AGAP4: variants seen among roughly 807,000 people sequenced by gnomAD.
The protein encoded by AGAP4 is arf-GAP with GTPase, ANK repeat and PH domain-containing protein 4.
A neutral mutation model predicts 60.7 loss-of-function variants in AGAP4; 13 were observed. That is an observed-to-expected ratio of 0.21 (90% confidence interval 0.14 to 0.34). The LOEUF (loss-of-function observed/expected upper bound fraction) is 0.34. Among genes scored for constraint, AGAP4 ranks in the 10% least tolerant of loss-of-function variants. The pLI is 1.00. For synonymous variants in AGAP4, 70 were observed against 339.0 expected (o/e 0.21, Z 8.72); for missense variants, 169 against 884.0 (o/e 0.19, Z 10.26).
At chr10:45,838,416 C>A (rs2058859593) in intron 4 of AGAP4, among the ~76,000 whole-genome samples, 1 of 151,662 alleles carries the variant, frequency 6.6e-6, no homozygotes, top group Admixed American at 6.6e-5. Context: ...TCACCAAATG[C>A]CACCTGTTCC....
At position 45,843,995 on chromosome 10, in the gene AGAP4, A is replaced by T. The variant is rs1236817187; in HGVS notation, c.361+331T>A. Among the ~76,000 whole-genome samples, 6 of 149,860 alleles carry T rather than the reference A, an allele frequency of 4.0e-5. 1 individual carries two copies. The highest frequency in any genetic ancestry group is 1.5e-4 in the African/African-American group (6 of 39,244). ...TCTTTAAAATGTACTTTTTGGAGCA[A>T]GGGAAAAGGGATTGTAAATAAAGAT... On this transcript the variant is annotated intron_variant, in intron 3 of 7. Coordinates refer to ENST00000616763, the MANE Select transcript of AGAP4 (RefSeq NM_001276343.3).
intron 1 of AGAP4, among the ~76,000 whole-genome samples, chr10:45,852,508 A>G (rs2059097689): frequency 2.6e-5 from 4 of 151,258 alleles, no homozygotes; most frequent in Non-Finnish European, 5.9e-5. Context: ...TAAGAAAATT[A>G]TATGCAGTTG....
At chr10:45,849,473 GATTATTATTATT>G (rs782154006), upstream of AGAP4, among the ~76,000 whole-genome samples, 2 of 145,106 alleles carry the variant, frequency 1.4e-5, no homozygotes. Context: ...TGATGATGAT[GATTATTATTATT>G]ATTATTATTA....
intron 6 of AGAP4, among the ~76,000 whole-genome samples, chr10:45,830,266 A>T (rs1343598677): frequency 2.8e-5 from 4 of 142,848 alleles, no homozygotes; most frequent in Non-Finnish European, 4.6e-5. Flanking sequence ...TCCACCTCCC[A>T]GGCTCAAGCG....
rs782233681 is a variant in AGAP4 at position 45,831,522 on chromosome 10, T to A, written c.498-93A>T. On this transcript the variant is annotated intron_variant, in intron 5 of 7. Transcript: ENST00000616763. ...AGGGGGGCAGAGGAAACTCTCCTAG[T>A]GGCCCTGAAATTCAAATCTTCTAGT... is the stretch of plus-strand genomic sequence containing the variant. 1.6e-4 allele frequency: 175 copies of A among 1,101,386 alleles called. 4 individuals are homozygous for A. Among genetic ancestry groups the A allele is most frequent in the South Asian group, 6.2e-4 (47 of 76,418 alleles). 68.2% of individuals were successfully genotyped at this position (1,101,386 alleles called of 1,614,324 possible). A position where few individuals can be genotyped will look rare whatever the true frequency, so the allele number is the denominator to read the frequency against.
At chr10:45,841,736 A>T (rs1190311740) in intron 3 of AGAP4, 49 bp from the exon 4 acceptor site, 12 of 573,508 alleles carry the variant, frequency 2.1e-5, no homozygotes, top group Non-Finnish European at 3.7e-5. Flanking sequence ...AAATACCATA[A>T]AATAAAAGTA....
At chr10:45,835,993 TTAG>T (rs1324355328) in intron 4 of AGAP4, among the ~76,000 whole-genome samples, 4 of 151,162 alleles carry the variant, frequency 2.6e-5, no homozygotes, top group African/African-American at 9.7e-5. Flanking sequence ...AAGGGGTTAC[TTAG>T]TAGTTTTAAG....
intron 4 of AGAP4, among the ~76,000 whole-genome samples, chr10:45,835,987 G>A (rs1246045595): frequency 1.3e-5 from 2 of 151,152 alleles, no homozygotes; most frequent in African/African-American, 4.9e-5. Flanking sequence ...AAATGGAAGG[G>A]GTTACTTAGT....
intron 1 of AGAP4, among the ~76,000 whole-genome samples, 160 bp from the exon 2 acceptor site, chr10:45,846,915 G>A (rs1167491149): frequency 1.1e-4 from 16 of 151,420 alleles, no homozygotes; most frequent in Non-Finnish European, 2.4e-4. Context: ...GCGATTGGGA[G>A]GGGAGGCGAA....
At chr10:45,843,815 A>G (rs1377020764) in intron 3 of AGAP4, among the ~76,000 whole-genome samples, 4 of 149,016 alleles carry the variant, frequency 2.7e-5, no homozygotes, top group Admixed American at 2.7e-4. Context: ...TTAATAACCT[A>G]AAACTTTTGA....
intron 6 of AGAP4, among the ~76,000 whole-genome samples, chr10:45,830,292 C>A (rs2058710638): frequency 1.4e-5 from 2 of 139,638 alleles, no homozygotes; most frequent in Admixed American, 1.4e-4. Flanking sequence ...CCTGCCTCAG[C>A]CTCCCAAGTA....
chr10:45,830,581 G>A (rs1265182513), intron 6 of AGAP4, among the ~76,000 whole-genome samples: 1 of 108,652 alleles, frequency 9.2e-6, no homozygotes, highest in Non-Finnish European at 2.0e-5. Flanking sequence ...CGCCTCCCAA[G>A]TTCAAGCGGT....
At chr10:45,828,613 C>T (rs2058682307) in intron 6 of AGAP4, among the ~76,000 whole-genome samples, 1 of 145,682 alleles carries the variant, frequency 6.9e-6, no homozygotes, top group Admixed American at 6.9e-5. Context: ...ACCAGTGGTT[C>T]TCCAAATGTG....
intron 3 of AGAP4, 90 bp downstream of exon 3, chr10:45,844,236 C>G (rs2058965290): frequency 1.4e-6 from 2 of 1,396,394 alleles, no homozygotes; most frequent in African/African-American, 3.2e-5. Context: ...AAATTTTAAA[C>G]CAATATGAGT....
At chr10:45,829,846 C>T (rs2058702649) in intron 6 of AGAP4, among the ~76,000 whole-genome samples, 1 of 150,494 alleles carries the variant, frequency 6.6e-6, no homozygotes, top group South Asian at 2.1e-4. Context: ...CTTTTCAATA[C>T]TTAAAGGCGT....
chr10:45,837,830 A>T (rs1234701464), intron 4 of AGAP4, among the ~76,000 whole-genome samples: 1 of 150,858 alleles, frequency 6.6e-6, no homozygotes, highest in Non-Finnish European at 1.5e-5. Flanking sequence ...ATGACCAAGA[A>T]CACAAAAGCA....
At chr10:45,831,783 A>G (rs1590018839) in intron 5 of AGAP4, among the ~76,000 whole-genome samples, 1 of 119,494 alleles carries the variant, frequency 8.4e-6, no homozygotes, top group African/African-American at 3.1e-5. Context: ...TCTCTTGCTC[A>G]GACTGGATTG....
At chr10:45,843,296 C>CAAAA (rs1159354399) in intron 3 of AGAP4, among the ~76,000 whole-genome samples, 6 of 1,900 alleles carry the variant, frequency 3.2e-3, no homozygotes, top group East Asian at 0.036. Flanking sequence ...GACTCCATTT[C>CAAAA]AAAAAAAAAA....
chr10:45,853,568 A>C, intron 1 of AGAP4: 1 of 1,249,812 alleles, frequency 8.0e-7, no homozygotes. Flanking sequence ...AGGTCTTCAC[A>C]CTATCAATTG....
Sources: allele counts gnomAD v4.1 joint callset (sites outside exome capture counted in the v4.1 genomes callset), GRCh38; gene constraint gnomAD v4.1.1; transcripts MANE v1.5; gene names NCBI Gene and HGNC (gene_info 2026-07-23, HGNC 2026-07-21).